Variants in SCARB2 observed in about 807,000 individuals in gnomAD.
The protein encoded by SCARB2 is scavenger receptor class B member 2.
A neutral mutation model predicts 58.6 loss-of-function variants in SCARB2; 29 were observed. The ratio of observed to expected loss-of-function variants is 0.49; its 90% CI spans 0.37 to 0.67. The LOEUF is 0.67. SCARB2 is among the 30% of genes least tolerant of loss of function. SCARB2 has a pLI of 0.00. For synonymous variants in SCARB2, 195 were observed against 210.1 expected (o/e 0.93, Z 0.62); for missense variants, 488 against 578.5 (o/e 0.84, Z 1.60).
At chr4:76,190,691 G>A (rs1424756085) in intron 2 of SCARB2, among the ~76,000 whole-genome samples, 1 of 152,140 alleles carries the variant, frequency 6.6e-6, no homozygotes, top group Non-Finnish European at 1.5e-5. Context: ...GGCTGAGGCA[G>A]AAGAATCACT....
intron 1 of SCARB2, among the ~76,000 whole-genome samples, chr4:76,208,535 G>C (rs947059088): frequency 2.6e-5 from 4 of 152,332 alleles, no homozygotes; most frequent in Middle Eastern, 3.4e-3. Flanking sequence ...CTGAGGCGGG[G>C]CTGAGCAAGC....
intron 1 of SCARB2, among the ~76,000 whole-genome samples, chr4:76,226,160 G>A (rs549496890): frequency 6.6e-6 from 1 of 152,210 alleles, no homozygotes; most frequent in Admixed American, 6.5e-5. Flanking sequence ...TGGGTCCAGG[G>A]AGCCAACGCT....
Position 76,161,589 on chromosome 4 carries a change from C to A in SCARB2, c.*124G>T, listed in dbSNP as rs551194855. 78 of 991,734 alleles carry A rather than the reference C, an allele frequency of 7.9e-5. 1 individual carries two copies. In the South Asian group the frequency reaches 9.8e-4, roughly 12 times the overall value. The allele number at this position is 991,734 out of a possible 1,614,324, so 61.4% of individuals were successfully genotyped here. On this transcript the variant is annotated 3_prime_UTR_variant, in exon 12 of 12. Coordinates refer to ENST00000264896, the MANE Select transcript of SCARB2 (RefSeq NM_005506.4). ...CTGGCCAGAATGTTCCTATCACTTG[C>A]CAGCGCCGTGTCTTTTTCCTTCTTT...
rs1732061957 is a variant in SCARB2 at position 76,168,491 on chromosome 4, A to C, written c.1114-15T>G. 5 of 1,610,054 alleles carry C rather than the reference A, an allele frequency of 3.1e-6. No individual in the cohort carries two copies. The highest frequency in any genetic ancestry group is 4.2e-6 in the Non-Finnish European group (5 of 1,176,682). ...ATTCCAGTCAACTGCAAATCAGAGAAGTGAAAAGGAAACATTAGGATTTAT... is the reference window on the plus strand; with the variant it reads ...ATTCCAGTCAACTGCAAATCAGAGACGTGAAAAGGAAACATTAGGATTTAT... On this transcript the variant is annotated splice_polypyrimidine_tract_variant and intron_variant, in intron 8 of 11. Coordinates refer to ENST00000264896, the MANE Select transcript of SCARB2 (RefSeq NM_005506.4).
chr4:76,162,129 TA>T (rs1372612450), intron 11 of SCARB2: 5 of 258,774 alleles, frequency 1.9e-5, no homozygotes, highest in African/African-American at 8.8e-5. Flanking sequence ...AGGTTAATTG[TA>T]GGAGCAGTAA....
At chr4:76,193,080 C>T (rs541647434) in intron 2 of SCARB2, 1 of 152,506 alleles carries the variant, frequency 6.6e-6, no homozygotes, top group African/African-American at 2.4e-5. Context: ...GGCACTACTT[C>T]CCTGTGCTGT....
At chr4:76,209,434 T>C (rs1206008852) in intron 1 of SCARB2, among the ~76,000 whole-genome samples, 3 of 152,168 alleles carry the variant, frequency 2.0e-5, no homozygotes, top group Admixed American at 6.5e-5. Flanking sequence ...AAGGGAGCCA[T>C]CTTGGCTCAC....
rs1398852112 is a variant in SCARB2, at chr4:76,176,505, G to A, written c.636C>T (p.Asp212=). 6.2e-7 allele frequency: 1 copy of A among 1,611,024 alleles called. No individual in the cohort carries two copies. Among genetic ancestry groups the A allele is most frequent in the Non-Finnish European group, 8.5e-7 (1 of 1,178,182 alleles). The change falls in exon 5 of 12, where the codon GAC becomes GAT. Residue 212 remains aspartate, a synonymous_variant. Transcript: ENST00000264896. ...TGTCTTCTCCAGTTAGAAAAACATA[G>A]TCTCCATCATTAGTCCCATTTTTCT... ...FYEKNGTNDG[D]YVFLTGEDSY...
intron 1 of SCARB2, among the ~76,000 whole-genome samples, chr4:76,218,826 G>A (rs1159778051): frequency 6.6e-6 from 1 of 152,156 alleles, no homozygotes; most frequent in African/African-American, 2.4e-5. Flanking sequence ...GAAAAATATA[G>A]TGGGCAAAAA....
chr4:76,208,411 A>G (rs1283219152), intron 1 of SCARB2, among the ~76,000 whole-genome samples: 5 of 152,242 alleles, frequency 3.3e-5, no homozygotes, highest in Non-Finnish European at 7.3e-5. Context: ...CTCCGTTTAC[A>G]GTGCTATAGT....
At chr4:76,206,013 C>A (rs970394564) in intron 1 of SCARB2, among the ~76,000 whole-genome samples, 3 of 152,060 alleles carry the variant, frequency 2.0e-5, no homozygotes, top group Non-Finnish European at 4.4e-5. Flanking sequence ...ATCCTTACCC[C>A]CAAGGTGGTG....
At chr4:76,207,832 A>G (rs942116321) in intron 1 of SCARB2, among the ~76,000 whole-genome samples, 1 of 152,214 alleles carries the variant, frequency 6.6e-6, no homozygotes, top group Non-Finnish European at 1.5e-5. Context: ...TTATTTAACA[A>G]TAAAGCAAAG....
chr4:76,183,896 A>T (rs1363779036), intron 2 of SCARB2, among the ~76,000 whole-genome samples: 1 of 152,224 alleles, frequency 6.6e-6, no homozygotes, highest in Non-Finnish European at 1.5e-5. Flanking sequence ...GTATGCCAGG[A>T]AATGGAGGAA....
chr4:76,176,014 C>A (rs1474244182), intron 5 of SCARB2, 104 bp from the exon 6 acceptor site: 2 of 1,352,262 alleles, frequency 1.5e-6, no homozygotes, highest in Admixed American at 3.5e-5. Context: ...TGTCTATCCA[C>A]AGTATCTTAT....
At chr4:76,174,467 C>A in intron 6 of SCARB2, 154 bp from the exon 7 acceptor site, 2 of 681,326 alleles carry the variant, frequency 2.9e-6, no homozygotes, top group African/African-American at 1.8e-5. Flanking sequence ...GTCAACTCAA[C>A]GTGTAATAAA....
At chr4:76,174,611 G>A (rs914605885) in intron 6 of SCARB2, 2 of 377,972 alleles carry the variant, frequency 5.3e-6, no homozygotes, top group Non-Finnish European at 1.0e-5. Context: ...AGAAATAAGA[G>A]GCCTCTCTAG....
chr4:76,182,776 G>T (rs13117802), intron 2 of SCARB2, among the ~76,000 whole-genome samples: 16,673 of 152,128 alleles, frequency 0.11, 1,133 homozygotes, highest in East Asian at 0.21. Context: ...GTAAAAATGC[G>T]CCTCGGTGAT....
At chr4:76,213,185 G>T in intron 1 of SCARB2, 1 of 523,598 alleles carries the variant, frequency 1.9e-6, no homozygotes, top group Non-Finnish European at 3.5e-6. Flanking sequence ...ACAACCGAAG[G>T]CCTTTTTAAA....
intron 7 of SCARB2, among the ~76,000 whole-genome samples, chr4:76,172,367 A>G (rs1321287841): frequency 6.6e-6 from 1 of 151,798 alleles, no homozygotes; most frequent in East Asian, 1.9e-4. Context: ...CCTACGCTCC[A>G]GCCTCAGCCT....
Sources: gnomAD v4.1 joint callset for allele counts (sites outside exome capture counted in the v4.1 genomes callset) on GRCh38, gnomAD v4.1.1 for gene constraint, MANE v1.5 for transcripts, NCBI Gene and HGNC (gene_info 2026-07-23, HGNC 2026-07-21) for gene names.